The following MEMO1 variants were observed in gnomAD, a reference collection of about 807,000 sequenced individuals.
MEMO1 encodes mediator of cell motility 1.
Under a neutral mutation model 45.2 loss-of-function variants are expected in MEMO1, and 6 were observed. The observed-to-expected ratio is 0.13, with a 90% CI of 0.07 to 0.26. The LOEUF (loss-of-function observed/expected upper bound fraction) is 0.26. Among genes scored for constraint, MEMO1 ranks in the 10% least tolerant of loss-of-function variants. The pLI, the probability that MEMO1 is intolerant of heterozygous loss-of-function variation, is 1.00. For synonymous variants in MEMO1, 78 were observed against 124.3 expected (o/e 0.63, Z 2.48); for missense variants, 184 against 370.5 (o/e 0.50, Z 4.13).
intron 8 of MEMO1, among the ~76,000 whole-genome samples, chr2:31,879,371 T>C (rs1675019803): frequency 6.6e-6 from 1 of 152,184 alleles, no homozygotes; most frequent in Non-Finnish European, 1.5e-5. Flanking sequence ...AATGCTGGTA[T>C]GTCCATCTGA....
At chr2:32,009,957 G>T (rs1435884850) in intron 2 of MEMO1, among the ~76,000 whole-genome samples, 1 of 151,422 alleles carries the variant, frequency 6.6e-6, no homozygotes, top group Non-Finnish European at 1.5e-5. Context: ...TCCGGAGAGC[G>T]TGAGGCCGGC....
intron 2 of MEMO1, among the ~76,000 whole-genome samples, chr2:31,975,569 T>TA (rs1558547376): frequency 6.6e-6 from 1 of 152,132 alleles, no homozygotes; most frequent in Non-Finnish European, 1.5e-5. Flanking sequence ...AAAAAGACAG[T>TA]AGTGTCCTAG....
intron 2 of MEMO1, among the ~76,000 whole-genome samples, chr2:31,982,632 C>G (rs558194111): frequency 1.3e-5 from 2 of 150,862 alleles, no homozygotes; most frequent in Non-Finnish European, 2.9e-5. Flanking sequence ...TCAGGAACTT[C>G]CCAAAGTTAC....
chr2:31,898,824 G>A (rs774191483), intron 6 of MEMO1, among the ~76,000 whole-genome samples: 26 of 152,096 alleles, frequency 1.7e-4, no homozygotes, highest in African/African-American at 3.1e-4. Context: ...GTAAGTCTCC[G>A]GCTATTATTG....
chr2:32,009,346 T>C (rs1674506308), intron 2 of MEMO1, among the ~76,000 whole-genome samples: 1 of 152,112 alleles, frequency 6.6e-6, no homozygotes, highest in Admixed American at 6.5e-5. Flanking sequence ...ATGCAAACAC[T>C]GACAGAAGAG....
intron 6 of MEMO1, among the ~76,000 whole-genome samples, chr2:31,914,170 C>T (rs1011016349): frequency 2.0e-5 from 3 of 152,142 alleles, no homozygotes; most frequent in African/African-American, 7.2e-5. Flanking sequence ...GAGTCTTTAG[C>T]CTAAGTCAAA....
chr2:31,980,021 A>G (rs1038120407), intron 2 of MEMO1, among the ~76,000 whole-genome samples: 1 of 151,920 alleles, frequency 6.6e-6, no homozygotes, highest in African/African-American at 2.4e-5. Flanking sequence ...AAAAAAAAAA[A>G]AAGAAAGAAA....
rs397800267 is a variant in MEMO1, at chr2:31,993,949, CTTTTTTTTTTTTTT to C, written c.61+16224_61+16237del. Among the ~76,000 whole-genome samples the C allele has an allele frequency of 3.1e-4, 23 of 73,610 alleles. 1 individual carries two copies. The East Asian group carries it at 8.0e-3, about 26-fold the overall frequency. 48.3% of individuals were successfully genotyped at this position (73,610 alleles called of 152,430 possible). A position where few individuals can be genotyped will look rare whatever the true frequency, so the allele number is the denominator to read the frequency against. On this transcript the variant is annotated intron_variant, in intron 2 of 9. Coordinates refer to ENST00000404530, the MANE Select transcript of MEMO1 (RefSeq NM_001301833.4). ...AATACAGAAATATCATCAATACTTT[CTTTTTTTTTTTTTT>C]TTTTTTTTTTTTTTTGAGACAGAGT... is the stretch of plus-strand genomic sequence containing the variant.
At chr2:31,894,249 C>G (rs1421773871) in intron 6 of MEMO1, among the ~76,000 whole-genome samples, 1 of 152,200 alleles carries the variant, frequency 6.6e-6, no homozygotes, top group South Asian at 2.1e-4. Flanking sequence ...CAATGGAAAC[C>G]TGGCATCTTA....
chr2:31,954,724 C>T (rs7583597), intron 2 of MEMO1, among the ~76,000 whole-genome samples: 12,807 of 151,782 alleles, frequency 0.084, 611 homozygotes, highest in Middle Eastern at 0.14. Flanking sequence ...ATCTCAACTA[C>T]TAGGGAGGCT....
chr2:31,994,395 G>A (rs1359595025), intron 2 of MEMO1, among the ~76,000 whole-genome samples: 2 of 150,892 alleles, frequency 1.3e-5, no homozygotes, highest in South Asian at 2.1e-4. Flanking sequence ...TTTGGAAGAC[G>A]GAGGTGGGCT....
At chr2:31,973,895 T>C (rs1170074568) in intron 2 of MEMO1, among the ~76,000 whole-genome samples, 2 of 152,224 alleles carry the variant, frequency 1.3e-5, no homozygotes, top group Non-Finnish European at 2.9e-5. Context: ...CAGGTGGTAG[T>C]TGCACAACAT....
At position 31,900,673 on chromosome 2, in the gene MEMO1, G is replaced by C. The variant is rs562003631; in HGVS notation, c.438-8539C>G. Among the ~76,000 whole-genome samples, 142 of 150,802 alleles carry C rather than the reference G, an allele frequency of 9.4e-4. 1 individual carries two copies. The highest frequency in any genetic ancestry group is 3.3e-3 in the African/African-American group (137 of 41,052). ...TCTGCACTGTATCCCAGAACTTAAA[G>C]TACAATAATTTAAAAAAAAAAAAAG... On this transcript the variant is annotated intron_variant, in intron 6 of 9. Coordinates refer to ENST00000404530, the MANE Select transcript of MEMO1 (RefSeq NM_001301833.4).
intron 2 of MEMO1, among the ~76,000 whole-genome samples, chr2:31,994,097 A>T (rs1672279563): frequency 1.3e-5 from 2 of 149,322 alleles, no homozygotes; most frequent in Non-Finnish European, 3.0e-5. Context: ...AGCAGCTGGG[A>T]TTACAGGCGT....
intron 3 of MEMO1, among the ~76,000 whole-genome samples, chr2:31,942,109 C>T (rs945087407): frequency 6.6e-6 from 1 of 152,096 alleles, no homozygotes; most frequent in African/African-American, 2.4e-5. Flanking sequence ...GCACTGGAAA[C>T]CAAATCAAAA....
rs1461594301 is a variant in MEMO1 at position 32,010,923 on chromosome 2, A to T, written c.-18+19T>A. On this transcript the variant is annotated intron_variant, in intron 1 of 9. Transcript: ENST00000404530. ...GAACCGGGGAAGGCAGACCCGGAGA[A>T]GAGCCAACGCTTCCTTACTCGCCAC... is the stretch of plus-strand genomic sequence containing the variant. 3.9e-5 allele frequency: 6 copies of T among 152,382 alleles called. No individual in the cohort carries two copies. The highest frequency in any genetic ancestry group is 8.8e-5 in the Non-Finnish European group (6 of 68,158). 9.4% of individuals were successfully genotyped at this position (152,382 alleles called of 1,614,324 possible).
chr2:31,877,963 A>C (rs1302199984), intron 8 of MEMO1, among the ~76,000 whole-genome samples: 4 of 152,224 alleles, frequency 2.6e-5, no homozygotes, highest in Admixed American at 2.0e-4. Context: ...CACTTTGTAT[A>C]CATCGGAGAA....
At chr2:31,923,099 T>C (rs1009063719) in intron 4 of MEMO1, among the ~76,000 whole-genome samples, 1 of 152,166 alleles carries the variant, frequency 6.6e-6, no homozygotes, top group Non-Finnish European at 1.5e-5. Flanking sequence ...CAACAATGTA[T>C]AAACATTTAT....
chr2:32,003,918 T>C (rs943768772), intron 2 of MEMO1, among the ~76,000 whole-genome samples: 1 of 152,122 alleles, frequency 6.6e-6, no homozygotes, highest in Non-Finnish European at 1.5e-5. Context: ...CCAAGGATGA[T>C]GGCGCACATC....
Sources: gnomAD v4.1 joint callset for allele counts (sites outside exome capture counted in the v4.1 genomes callset) on GRCh38, gnomAD v4.1.1 for gene constraint, MANE v1.5 for transcripts, NCBI Gene and HGNC (gene_info 2026-07-23, HGNC 2026-07-21) for gene names.